Variants in OCEL1 observed in about 807,000 individuals in gnomAD.
OCEL1 encodes occludin/ELL domain containing 1.
In OCEL1, 24 loss-of-function variants were observed where a neutral mutation model predicts 29.4. That is an observed-to-expected ratio of 0.82 (90% CI 0.59 to 1.15). The LOEUF (loss-of-function observed/expected upper bound fraction) is 1.15, where lower values mean the gene tolerates loss of function less well. OCEL1 is among the 50% of genes most tolerant of loss of function. The pLI is 0.00. For missense variants in OCEL1, 402 were observed against 352.5 expected, an observed-to-expected ratio of 1.14 and a Z score of -1.13; for synonymous variants, 172 against 145.3, an observed-to-expected ratio of 1.18 and a Z score of -1.32.
Position 17,228,428 on chromosome 19 carries a change from C to T in OCEL1, c.672+119C>T, listed in dbSNP as rs182156934. 9.7e-5 allele frequency: 101 copies of T among 1,045,206 alleles called. No individual in the cohort carries two copies. The East Asian group carries it at 2.4e-3, about 24-fold the overall frequency. The allele number at this position is 1,045,206 out of a possible 1,614,324, so 64.7% of individuals were successfully genotyped here. On this transcript the variant is annotated intron_variant, in intron 5 of 5. Transcript: ENST00000215061. ...TGAGACAGAATCTCGCTCTGTCACC[C>T]AGGCGGGAGTGCAGTGGTATGATCT...
intron 1 of OCEL1, 90 bp from the exon 2 acceptor site, chr19:17,226,603 T>G: frequency 8.3e-6 from 11 of 1,317,998 alleles, no homozygotes; most frequent in African/African-American, 3.0e-5. Context: ...TCCCGCGGGG[T>G]GAGAGTTGGC....
intron 3 of OCEL1, 22 bp from the exon 4 acceptor site, chr19:17,227,818 C>G (rs200270648): frequency 1.2e-5 from 20 of 1,612,020 alleles, no homozygotes; most frequent in Middle Eastern, 1.8e-4. Flanking sequence ...CACTCACACT[C>G]TGACCCTCTT....
chr19:17,228,955 T>A lies in OCEL1; in HGVS notation c.*30T>A, dbSNP rs1568314177. On this transcript the variant is annotated 3_prime_UTR_variant, in exon 6 of 6. Transcript: ENST00000215061. ...CCCTGCAGATGGGCAGAGGGATGCA[T>A]GGGGATGCAGGTCCCTTGCATTTCT... is the stretch of plus-strand genomic sequence containing the variant. 4 of 1,603,146 alleles carry A rather than the reference T, an allele frequency of 2.5e-6. No individual in the cohort carries two copies. Among genetic ancestry groups the A allele is most frequent in the Non-Finnish European group, 3.4e-6 (4 of 1,174,498 alleles).
chr19:17,226,401 C>T, intron 1 of OCEL1, 85 bp downstream of exon 1: 2 of 1,491,340 alleles, frequency 1.3e-6, no homozygotes, highest in South Asian at 1.2e-5. Context: ...CGTCTGTGGG[C>T]TCTGCGCGCC....
rs979151821 is a variant in OCEL1, at chr19:17,227,064, C to T, written c.317C>T (p.Pro106Leu). ...PRPPCQPQPG[P>L]HKAKTKKIVF... Reference sequence around the variant, plus strand: ...CCTCCGTGCCAGCCCCAGCCGGGACCCCACAAGGCAAAGACCAAGAAGATT... The same window carrying T: ...CCTCCGTGCCAGCCCCAGCCGGGACTCCACAAGGCAAAGACCAAGAAGATT... The change falls in exon 3 of 6, where the codon CCC becomes CTC. Residue 106 changes from proline to leucine, a missense_variant. By Grantham distance (98) the Pro-to-Leu change is moderately conservative. Coordinates refer to ENST00000215061, the MANE Select transcript of OCEL1 (RefSeq NM_024578.3). The T allele has an allele frequency of 1.9e-6, 3 of 1,609,270 alleles. No individual in the cohort carries two copies. The highest frequency in any genetic ancestry group is 2.5e-6 in the Non-Finnish European group (3 of 1,179,120).
At chr19:17,226,495 C>T (rs2073360612) in intron 1 of OCEL1, 179 bp downstream of exon 1, 1 of 903,486 alleles carries the variant, frequency 1.1e-6, no homozygotes, top group Admixed American at 2.8e-5. Context: ...ATTTACATAG[C>T]GCTTATTTGG....
rs550522345 is a variant in OCEL1 at position 17,228,905 on chromosome 19, G to A, written c.775G>A (p.Glu259Lys). The A allele has an allele frequency of 1.1e-5, 18 of 1,613,158 alleles. No individual in the cohort carries two copies. The highest frequency in any genetic ancestry group is 3.3e-5 in the Admixed American group (2 of 59,982). ...GAAATTCGATGACCAAGGAGACAGC[G>A]AGGGCTCCGTGTACTTCTAAGTGCC... ...IQKFDDQGDS[E>K]GSVYF is the part of the protein sequence containing the mutation. Residue 259 changes from glutamate (E) to lysine (K), a missense_variant, in exon 6 of 6, where the codon GAG becomes AAG. Physicochemically the swap from Glu to Lys is moderately conservative, Grantham distance 56. Coordinates refer to ENST00000215061, the MANE Select transcript of OCEL1 (RefSeq NM_024578.3).
At position 17,228,895 on chromosome 19, in the gene OCEL1, A is replaced by G. The variant is rs1400733096; in HGVS notation, c.765A>G (p.Gln255=). 3 of 1,613,516 alleles carry G rather than the reference A, an allele frequency of 1.9e-6. No individual in the cohort carries two copies. The highest frequency in any genetic ancestry group is 1.3e-5 in the African/African-American group (1 of 74,938). Residue 255 remains glutamine (Q), a synonymous_variant, in exon 6 of 6, where the codon CAA becomes CAG. Transcript: ENST00000215061. ...CTCAGATCCAGAAATTCGATGACCA[A>G]GGAGACAGCGAGGGCTCCGTGTACT... The part of the protein sequence containing the change: ...LKTQIQKFDD[Q]GDSEGSVYF
rs371952262 is a variant in OCEL1 at position 17,227,903 on chromosome 19, G to A, written c.516G>A (p.Gln172=). ...GCTATGTCGCAGTGTTCCAGGACCA[G>A]TACGGAGAGTTCTTGGAGCTCCAGC... ...RSRYVAVFQD[Q]YGEFLELQHE... is the part of the protein sequence containing the mutation. The change falls in exon 4 of 6, where the codon CAG becomes CAA. Residue 172 remains glutamine, a synonymous_variant. Coordinates refer to ENST00000215061, the MANE Select transcript of OCEL1 (RefSeq NM_024578.3). The A allele has an allele frequency of 1.7e-5, 28 of 1,613,764 alleles. No individual in the cohort carries two copies. The highest frequency in any genetic ancestry group is 2.1e-5 in the Non-Finnish European group (25 of 1,180,044).
Position 17,226,271 on chromosome 19 carries a change from C to T in OCEL1, c.24C>T (p.Ala8=). The change falls in exon 1 of 6, where the codon GCC becomes GCT. Residue 8 remains alanine, a synonymous_variant. Transcript: ENST00000215061. ...AAATGCACAACCCGGACGGAAGTGC[C>T]TCTCCGACAGCAGATCCAGGCTCGG... is the stretch of plus-strand genomic sequence containing the variant. MHNPDGS[A]SPTADPGSEL... 8 of 1,612,312 alleles carry T rather than the reference C, an allele frequency of 5.0e-6. No homozygotes were observed. The highest frequency in any genetic ancestry group is 6.8e-6 in the Non-Finnish European group (8 of 1,179,544).
intron 1 of OCEL1, 78 bp from the exon 2 acceptor site, chr19:17,226,615 G>C: frequency 7.3e-7 from 1 of 1,374,394 alleles, no homozygotes. Context: ...AGAGTTGGCC[G>C]CTCTTCGGCC....
chr19:17,227,944 C>T lies in OCEL1; in HGVS notation c.557C>T (p.Ala186Val), dbSNP rs745449271. The T allele has an allele frequency of 1.1e-5, 17 of 1,613,138 alleles. No homozygotes were observed. The African/African-American group carries it at 2.1e-4, about 20-fold the overall frequency. The change falls in exon 4 of 6, where the codon GCA becomes GTA. Residue 186 changes from alanine (A) to valine (V), a missense_variant. By Grantham distance (64) the Ala-to-Val change is moderately conservative. Coordinates refer to ENST00000215061, the MANE Select transcript of OCEL1 (RefSeq NM_024578.3). ...GAGCTCCAGCACGAGGTGGGGTGTG[C>T]ACAGGCAAAGCTCAGGCAGCTGGAG... ...FLELQHEVGC[A>V]QAKLRQLEAL...
At chr19:17,228,635 G>C in intron 5 of OCEL1, 168 bp from the exon 6 acceptor site, 1 of 870,848 alleles carries the variant, frequency 1.1e-6, no homozygotes, top group African/African-American at 1.7e-5. Flanking sequence ...CGGCCTCCCA[G>C]ACTGCTGGGA....
chr19:17,226,695 C>A lies in OCEL1; in HGVS notation c.72C>A (p.Ala24=). The A allele has an allele frequency of 6.7e-7, 1 of 1,484,410 alleles. No individual in the cohort carries two copies. Among genetic ancestry groups the A allele is most frequent in the African/African-American group, 1.4e-5 (1 of 69,488 alleles). 92.0% of individuals were successfully genotyped at this position (1,484,410 alleles called of 1,614,324 possible). Residue 24 remains alanine (A), a splice_region_variant and synonymous_variant, in exon 2 of 6, where the codon GCC becomes GCA. Transcript: ENST00000215061. ...PGSELQTLGQ[A]ARRPPPPRAG... ...CCTCTCCGCGTGTCCACCCACAGGC[C>A]GCCCGCAGACCACCCCCGCCGCGCG...
In OCEL1 at chr19:17,226,804, G is replaced by C. The variant is rs979895211; in HGVS notation, c.181G>C (p.Glu61Gln). The change falls in exon 2 of 6, where the codon GAG (glutamate) becomes CAG (glutamine). Residue 61 changes from glutamate (E) to glutamine (Q), a missense_variant. By Grantham distance (29) the Glu-to-Gln change is conservative (BLOSUM62 2). Transcript: ENST00000215061. Reference protein sequence around the residue: ...CFSRRPMPTREPPKTRGSRGH... With the variant: ...CFSRRPMPTRQPPKTRGSRGH... ...CTCCCGGAGGCCGATGCCCACCCGG[G>C]AGCCCCCAAAGACTCGCGGCTCCCG... is the stretch of plus-strand genomic sequence containing the variant. The C allele has an allele frequency of 6.3e-7, 1 of 1,594,236 alleles. No individual in the cohort carries two copies. Among genetic ancestry groups the C allele is most frequent in the South Asian group, 1.1e-5 (1 of 89,808 alleles).
In OCEL1 at chr19:17,228,985, A is replaced by C; in HGVS notation, c.*60A>C. On this transcript the variant is annotated 3_prime_UTR_variant, in exon 6 of 6. Transcript: ENST00000215061. Reference sequence around the variant, plus strand: ...ATGCAGGTCCCTTGCATTTCTTGGTATCTCTCAGCTTTTCCTCTTGCAGCT... The same window carrying C: ...ATGCAGGTCCCTTGCATTTCTTGGTCTCTCTCAGCTTTTCCTCTTGCAGCT... 6.4e-7 allele frequency: 1 copy of C among 1,571,820 alleles called. No individual in the cohort carries two copies. Among genetic ancestry groups the C allele is most frequent in the East Asian group, 2.3e-5 (1 of 43,916 alleles).
chr19:17,226,600 G>C lies in OCEL1; in HGVS notation c.70-93G>C, dbSNP rs1480630009. 1.1e-5 allele frequency: 15 copies of C among 1,307,428 alleles called. No homozygotes were observed. In the Admixed American group the frequency reaches 1.2e-4, roughly 10 times the overall value. 81.0% of individuals were successfully genotyped at this position (1,307,428 alleles called of 1,614,324 possible). ...CGTTCTGGGGAACTCTGCTCCCGCG[G>C]GGTGAGAGTTGGCCGCTCTTCGGCC... On this transcript the variant is annotated intron_variant, in intron 1 of 5. Transcript: ENST00000215061.
chr19:17,226,488 T>G, intron 1 of OCEL1, 172 bp downstream of exon 1: 1 of 916,436 alleles, frequency 1.1e-6, no homozygotes, highest in Non-Finnish European at 1.6e-6. Context: ...AGAGTTCATT[T>G]ACATAGCGCT....
chr19:17,228,161 A>C (rs150884828), intron 4 of OCEL1, 95 bp from the exon 5 acceptor site: 2 of 1,544,574 alleles, frequency 1.3e-6, no homozygotes, highest in East Asian at 4.5e-5. Context: ...TGAAGTCCCC[A>C]CTAGATGGGC....
Sources: gnomAD v4.1 joint callset for allele counts on GRCh38, gnomAD v4.1.1 for gene constraint, MANE v1.5 for transcripts, NCBI Gene and HGNC (gene_info 2026-07-23, HGNC 2026-07-21) for gene names.